Variants in ATP10D observed in about 807,000 individuals in gnomAD.
ATP10D encodes ATPase phospholipid transporting 10D (putative).
ATP10D carries 89 observed loss-of-function variants against 144.8 expected under a neutral mutation model. The ratio of observed to expected loss-of-function variants is 0.61; its 90% CI spans 0.52 to 0.73. ATP10D has a LOEUF of 0.73. ATP10D is among the 30% of genes least tolerant of loss of function. The pLI is 0.00. For missense variants in ATP10D, 1,603 were observed against 1,714.8 expected (o/e 0.93, Z 1.15); for synonymous variants, 571 against 615.1 (o/e 0.93, Z 1.06).
At chr4:47,561,214 C>A (rs1577685781) in intron 14 of ATP10D, 139 bp downstream of exon 14, 1 of 1,121,426 alleles carries the variant, frequency 8.9e-7, no homozygotes, top group Non-Finnish European at 1.3e-6. Flanking sequence ...GATCTCTATC[C>A]AACTTCCAAT....
chr4:47,528,741 C>T lies in ATP10D; in HGVS notation c.776+3099C>T, dbSNP rs113988143. Among the ~76,000 whole-genome samples, 481 of 152,080 alleles carry T rather than the reference C, an allele frequency of 3.2e-3. 7 individuals are homozygous for T. The highest frequency in any genetic ancestry group is 0.014 in the Middle Eastern group (4 of 294). ...GTTGAGAGGTCTTCATACTGTTATC[C>T]ACAGGGGTTATACTAATTTACATAC... On this transcript the variant is annotated intron_variant, in intron 5 of 22. Transcript: ENST00000273859.
chr4:47,502,805 G>T (rs1715779041), intron 1 of ATP10D, among the ~76,000 whole-genome samples: 2 of 151,838 alleles, frequency 1.3e-5, no homozygotes, highest in Non-Finnish European at 2.9e-5. Flanking sequence ...ACTAGTTCTA[G>T]TATGAAACAA....
intron 9 of ATP10D, among the ~76,000 whole-genome samples, chr4:47,539,985 C>T (rs1163191541): frequency 6.6e-6 from 1 of 152,172 alleles, no homozygotes; most frequent in Admixed American, 6.5e-5. Context: ...TGATAAGCTA[C>T]CTGTTTGGGA....
chr4:47,531,606 T>C (rs76649730), intron 5 of ATP10D, among the ~76,000 whole-genome samples: 2,951 of 152,302 alleles, frequency 0.019, 67 homozygotes, highest in African/African-American at 0.052. Flanking sequence ...AAATTTTAGA[T>C]GGTCTTCATG....
intron 1 of ATP10D, chr4:47,491,155 G>T (rs1371849823): frequency 8.1e-6 from 6 of 738,168 alleles, no homozygotes; most frequent in Non-Finnish European, 1.5e-5. Flanking sequence ...TTTCAGGAAG[G>T]TATCTCGCCT....
At chr4:47,572,661 G>GTGTA (rs1475804343) in intron 17 of ATP10D, among the ~76,000 whole-genome samples, 2 of 151,622 alleles carry the variant, frequency 1.3e-5, no homozygotes, top group African/African-American at 4.8e-5. Context: ...GTGTGTGTGT[G>GTGTA]TGTGTGTGTG....
intron 2 of ATP10D, among the ~76,000 whole-genome samples, chr4:47,514,388 G>T (rs369555393): frequency 7.2e-5 from 11 of 152,262 alleles, no homozygotes; most frequent in African/African-American, 2.6e-4. Flanking sequence ...GGTCCACCTG[G>T]AAAGAATTGA....
At chr4:47,517,061 A>G (rs1326492912) in intron 3 of ATP10D, among the ~76,000 whole-genome samples, 1 of 152,250 alleles carries the variant, frequency 6.6e-6, no homozygotes, top group African/African-American at 2.4e-5. Flanking sequence ...GTGAATGTCA[A>G]ATTTAGCAAA....
intron 15 of ATP10D, 88 bp downstream of exon 15, chr4:47,563,853 AAAC>A: frequency 1.6e-6 from 2 of 1,252,232 alleles, no homozygotes; most frequent in African/African-American, 1.5e-5. Flanking sequence ...ATTAAAAAAA[AAAC>A]AAAACAGCAA....
At chr4:47,543,902 A>C (rs955453832) in intron 9 of ATP10D, among the ~76,000 whole-genome samples, 2 of 152,074 alleles carry the variant, frequency 1.3e-5, no homozygotes, top group Non-Finnish European at 2.9e-5. Context: ...TTAACTTCCT[A>C]CCCCACAACT....
Position 47,512,745 on chromosome 4 carries a change from G to A in ATP10D, c.205G>A (p.Gly69Arg), listed in dbSNP as rs776801919. 1.8e-5 allele frequency: 29 copies of A among 1,614,148 alleles called. 1 individual carries two copies. The South Asian group carries it at 1.9e-4, about 10-fold the overall frequency. The change falls in exon 2 of 23, where the codon GGA (glycine) becomes AGA (arginine). Residue 69 changes from glycine (G) to arginine (R), a missense_variant. Physicochemically the swap from Gly to Arg is moderately radical, Grantham distance 125. Transcript: ENST00000273859. ...CAAGGATGAGTATGAGAAGTTCTCC[G>A]GAGCCTATGTGAACAATCGAATACG... Reference protein sequence around the residue: ...PFKDEYEKFSGAYVNNRIRTT... With the variant: ...PFKDEYEKFSRAYVNNRIRTT...
At chr4:47,559,062 T>G in intron 13 of ATP10D, 33 bp downstream of exon 13, 2 of 1,560,596 alleles carry the variant, frequency 1.3e-6, no homozygotes, top group African/African-American at 1.4e-5. Flanking sequence ...ATCTTTTTTG[T>G]TTTTTCCCTT....
chr4:47,510,417 G>T (rs1452036488), intron 1 of ATP10D, among the ~76,000 whole-genome samples: 1 of 152,124 alleles, frequency 6.6e-6, no homozygotes, highest in Non-Finnish European at 1.5e-5. Flanking sequence ...AAGGAGAAAG[G>T]CAATGTGGGA....
intron 1 of ATP10D, among the ~76,000 whole-genome samples, chr4:47,494,573 A>G (rs1238038168): frequency 7.4e-6 from 1 of 135,072 alleles, no homozygotes; most frequent in East Asian, 2.0e-4. Context: ...ATGGGCCCAT[A>G]TGATGTTGAA....
At chr4:47,495,106 C>T (rs1161984827) in intron 1 of ATP10D, among the ~76,000 whole-genome samples, 5 of 152,192 alleles carry the variant, frequency 3.3e-5, no homozygotes, top group Non-Finnish European at 5.9e-5. Context: ...TGCAGGAACA[C>T]ACATATTTGC....
intron 1 of ATP10D, among the ~76,000 whole-genome samples, chr4:47,488,195 C>T (rs1714869398): frequency 6.6e-6 from 1 of 151,792 alleles, no homozygotes; most frequent in Non-Finnish European, 1.5e-5. Flanking sequence ...AACTCAGTTA[C>T]AAAAGTTTTT....
intron 1 of ATP10D, among the ~76,000 whole-genome samples, chr4:47,499,410 C>G (rs1715565804): frequency 6.6e-6 from 1 of 152,144 alleles, no homozygotes; most frequent in Non-Finnish European, 1.5e-5. Flanking sequence ...CTTCTACTTC[C>G]TGAAGACCAC....
intron 21 of ATP10D, among the ~76,000 whole-genome samples, chr4:47,585,019 A>C (rs549495968): frequency 6.6e-6 from 1 of 152,210 alleles, no homozygotes; most frequent in Non-Finnish European, 1.5e-5. Context: ...GATATGTGCC[A>C]CCAATAGTAC....
intron 1 of ATP10D, among the ~76,000 whole-genome samples, chr4:47,503,648 G>A (rs1715839389): frequency 6.6e-6 from 1 of 152,146 alleles, no homozygotes; most frequent in Admixed American, 6.5e-5. Flanking sequence ...TGTAATCCCA[G>A]TGCTTTGGGA....
Sources: allele counts gnomAD v4.1 joint callset (sites outside exome capture counted in the v4.1 genomes callset), GRCh38; gene constraint gnomAD v4.1.1; transcripts MANE v1.5; gene names NCBI Gene and HGNC (gene_info 2026-07-23, HGNC 2026-07-21).